The following NFAT5 variants were observed in gnomAD, a reference collection of about 807,000 sequenced individuals.
NFAT5 encodes the protein nuclear factor of activated T cells 5, also known as nuclear factor of activated T-cells 5.
NFAT5 carries 31 observed loss-of-function variants against 166.5 expected under a neutral mutation model. That is an observed-to-expected ratio of 0.19 (90% CI 0.14 to 0.25). The LOEUF (loss-of-function observed/expected upper bound fraction) is 0.25. NFAT5 is among the 10% of genes least tolerant of loss of function. The pLI, the probability that NFAT5 is intolerant of heterozygous loss-of-function variation, is 1.00. For synonymous variants in NFAT5, 612 were observed against 639.7 expected, an observed-to-expected ratio of 0.96 and a Z score of 0.65; for missense variants, 1,449 against 1,821.8, an observed-to-expected ratio of 0.80 and a Z score of 3.72.
chr16:69,572,865 A>T (rs575594224), intron 2 of NFAT5, among the ~76,000 whole-genome samples: 1 of 152,222 alleles, frequency 6.6e-6, no homozygotes, highest in Admixed American at 6.5e-5. Context: ...TATTTTTGAT[A>T]CAGAGTCTCA....
intron 2 of NFAT5, among the ~76,000 whole-genome samples, chr16:69,570,042 A>C (rs1309413588): frequency 6.6e-6 from 1 of 152,202 alleles, no homozygotes; most frequent in African/African-American, 2.4e-5. Context: ...AGGGAGGAGA[A>C]AGACATGAAG....
chr16:69,696,323 C>A (rs536580302), intron 14 of NFAT5, 37 bp from the exon 15 acceptor site: 1 of 152,390 alleles, frequency 6.6e-6, no homozygotes, highest in Non-Finnish European at 1.5e-5. Flanking sequence ...ATGCTTCCCT[C>A]CCTAGTAAGT....
At chr16:69,586,397 G>T (rs752742330) in intron 2 of NFAT5, among the ~76,000 whole-genome samples, 5 of 151,968 alleles carry the variant, frequency 3.3e-5, no homozygotes, top group Non-Finnish European at 7.4e-5. Context: ...ACCTTGTTTA[G>T]ATTGGAATTT....
chr16:69,585,004 T>G (rs1460979507), intron 2 of NFAT5, among the ~76,000 whole-genome samples: 1 of 152,074 alleles, frequency 6.6e-6, no homozygotes, highest in African/African-American at 2.4e-5. Flanking sequence ...TATGTTTTTA[T>G]TTTTTATTTT....
In NFAT5 at chr16:69,635,253, C is replaced by T. The variant is rs552238008; in HGVS notation, c.253+8725C>T. On this transcript the variant is annotated intron_variant, in intron 3 of 14. Transcript: ENST00000349945. ...CTTGAACTCCGGACCTCAGGTGATCCGCCCACCTCAGCCTCCCAAAGTGCT... is the reference window on the plus strand; with the variant it reads ...CTTGAACTCCGGACCTCAGGTGATCTGCCCACCTCAGCCTCCCAAAGTGCT... Among the ~76,000 whole-genome samples the T allele has an allele frequency of 2.0e-3, 303 of 152,108 alleles. 3 individuals are homozygous for T. Among genetic ancestry groups the T allele is most frequent in the African/African-American group, 6.5e-3 (271 of 41,486 alleles).
At chr16:69,680,045 G>T (rs560857166) in intron 10 of NFAT5, among the ~76,000 whole-genome samples, 3 of 152,304 alleles carry the variant, frequency 2.0e-5, no homozygotes, top group African/African-American at 7.2e-5. Flanking sequence ...ATGAACCTGG[G>T]AGGCAGAGCT....
chr16:69,586,312 C>CA (rs1483175591), intron 2 of NFAT5, among the ~76,000 whole-genome samples: 1 of 152,134 alleles, frequency 6.6e-6, no homozygotes, highest in Non-Finnish European at 1.5e-5. Context: ...CTTTGATAAT[C>CA]AAAAACTAAA....
rs906582424 is a variant in NFAT5 at position 69,702,503 on chromosome 16, T to C, written c.*6152T>C. Reference sequence around the variant, plus strand: ...AAGAACATTACAATATATCTTTTTCTACATATGTAGTATGTGCAACCAGTG... The same window carrying C: ...AAGAACATTACAATATATCTTTTTCCACATATGTAGTATGTGCAACCAGTG... On this transcript the variant is annotated 3_prime_UTR_variant, in exon 15 of 15. Coordinates refer to ENST00000349945, the MANE Select transcript of NFAT5 (RefSeq NM_138713.4). 1 of 152,260 alleles carries C rather than the reference T, an allele frequency of 6.6e-6. No individual in the cohort carries two copies. The highest frequency in any genetic ancestry group is 1.5e-5 in the Non-Finnish European group (1 of 68,052). 9.4% of individuals were successfully genotyped at this position (152,260 alleles called of 1,614,324 possible).
chr16:69,647,520 A>G lies in NFAT5; in HGVS notation c.746A>G (p.Lys249Arg), dbSNP rs377214654. Reference sequence around the variant, plus strand: ...GATATATTTGATGCCGACAGTGCCAAAGCACCTCACTATGTGCTTTCTCAG... The same window carrying G: ...GATATATTTGATGCCGACAGTGCCAGAGCACCTCACTATGTGCTTTCTCAG... ...NMDIFDADSA[K>R]APHYVLSQLT... Residue 249 changes from lysine (K) to arginine (R), a missense_variant, in exon 4 of 15, where the codon AAA becomes AGA. By Grantham distance (26) the Lys-to-Arg change is conservative. This residue lies in a region of NFAT5 where 115 missense variants were observed against 177.1 expected (regional missense o/e 0.65). Coordinates refer to ENST00000349945, the MANE Select transcript of NFAT5 (RefSeq NM_138713.4). This position sits in a 1 kb window ranked among gnomAD's most constrained non-coding sequence, Gnocchi z 4.8. 23 of 1,606,898 alleles carry G rather than the reference A, an allele frequency of 1.4e-5. No homozygotes were observed. Among genetic ancestry groups the G allele is most frequent in the Non-Finnish European group, 1.5e-5 (18 of 1,179,804 alleles).
rs754422876 is a variant in NFAT5, at chr16:69,647,105, T to G, written c.331T>G (p.Tyr111Asp). Reference protein sequence around the residue: ...SFTTSSSPTIYSTSVTDSKAM... With the variant: ...SFTTSSSPTIDSTSVTDSKAM... ...TACCACCTCTTCCAGCCCTACCATT[T>G]ATTCTACCTCAGTCACCGACAGCAA... Residue 111 changes from tyrosine (Y) to aspartate (D), a missense_variant, in exon 4 of 15, where the codon TAT (tyrosine) becomes GAT (aspartate). By Grantham distance (160) the Tyr-to-Asp change is radical. Coordinates refer to ENST00000349945, the MANE Select transcript of NFAT5 (RefSeq NM_138713.4). This position sits in a 1 kb window ranked among gnomAD's most constrained non-coding sequence, Gnocchi z 4.8. 1 of 1,613,350 alleles carries G rather than the reference T, an allele frequency of 6.2e-7. No individual in the cohort carries two copies. The highest frequency in any genetic ancestry group is 8.5e-7 in the Non-Finnish European group (1 of 1,179,490).
rs57015431 is a variant in NFAT5 at position 69,667,494 on chromosome 16, TAAAAA to T, written c.1370-2471_1370-2467del. On this transcript the variant is annotated intron_variant, in intron 7 of 14. Transcript: ENST00000349945. ...TAAAGCAGGTCATTTTTGCAGAAAC[TAAAAA>T]AAAAAAAAAAAGAAAGTAACCGACT... 2.2e-3 allele frequency among the ~76,000 whole-genome samples: 281 copies of T among 125,970 alleles called. 3 individuals are homozygous for T. The highest frequency in any genetic ancestry group is 7.2e-3 in the African/African-American group (261 of 36,496). The allele number at this position is 125,970 out of a possible 152,430, so 82.6% of individuals were successfully genotyped here.
intron 4 of NFAT5, 39 bp from the exon 5 acceptor site, chr16:69,653,197 T>G (rs370559400): frequency 1.4e-4 from 203 of 1,415,512 alleles, no homozygotes; most frequent in Admixed American, 1.4e-3. Context: ...CAAAAAACTC[T>G]TTTTGATACT....
At chr16:69,649,059 T>G in intron 4 of NFAT5, 1 of 860,506 alleles carries the variant, frequency 1.2e-6, no homozygotes, top group Non-Finnish European at 1.4e-6. Context: ...GAAAATAAGA[T>G]ATACTCTTTC....
intron 13 of NFAT5, 115 bp from the exon 14 acceptor site, chr16:69,695,021 C>T: frequency 7.6e-6 from 6 of 790,756 alleles, no homozygotes; most frequent in Non-Finnish European, 1.2e-5. Flanking sequence ...ATGAATTTTC[C>T]CCAACAACTA....
intron 2 of NFAT5, among the ~76,000 whole-genome samples, chr16:69,589,119 C>G (rs556577131): frequency 6.6e-6 from 1 of 151,706 alleles, no homozygotes; most frequent in African/African-American, 2.4e-5. Context: ...CTCAGCCTCC[C>G]GAGTAGCTGG....
intron 2 of NFAT5, among the ~76,000 whole-genome samples, chr16:69,604,548 C>T (rs2151545861): frequency 6.6e-6 from 1 of 152,284 alleles, no homozygotes; most frequent in East Asian, 1.9e-4. Context: ...GTGTCTGTTC[C>T]TCTCTTTGTG....
intron 2 of NFAT5, among the ~76,000 whole-genome samples, chr16:69,601,372 A>G (rs965895972): frequency 6.6e-6 from 1 of 151,964 alleles, no homozygotes; most frequent in South Asian, 2.1e-4. Context: ...GTGGTAATTT[A>G]TTTATTTATT....
chr16:69,578,804 T>A (rs767555145), intron 2 of NFAT5, among the ~76,000 whole-genome samples: 3 of 152,158 alleles, frequency 2.0e-5, no homozygotes, highest in Non-Finnish European at 4.4e-5. Context: ...ATGTCAATAT[T>A]CAACTTATAA....
At chr16:69,694,563 T>C (rs1490816129) in intron 13 of NFAT5, among the ~76,000 whole-genome samples, 1 of 152,204 alleles carries the variant, frequency 6.6e-6, no homozygotes, top group African/African-American at 2.4e-5. Context: ...CCTGTATAGT[T>C]GTTTTAAGAG....
Sources: gnomAD v4.1 joint callset for allele counts (sites outside exome capture counted in the v4.1 genomes callset) on GRCh38, gnomAD v4.1.1 for gene constraint, gnomAD v4.1.1 regional missense constraint, Gnocchi (gnomAD v3.1) non-coding constraint, MANE v1.5 for transcripts, NCBI Gene and HGNC (gene_info 2026-07-23, HGNC 2026-07-21) for gene names.